Variants in SLC8A1 observed in about 807,000 individuals in gnomAD.
SLC8A1 encodes the protein solute carrier family 8 member A1, also known as sodium/calcium exchanger 1.
SLC8A1 carries 18 observed loss-of-function variants against 68.3 expected under a neutral mutation model. The observed-to-expected ratio is 0.26, with a 90% confidence interval of 0.18 to 0.39. The LOEUF is 0.39. SLC8A1 is among the 10% of genes least tolerant of loss of function. The probability of loss-of-function intolerance (pLI) is 1.00; values close to 1 mark genes in which losing one functional copy is unlikely to be tolerated. For synonymous variants in SLC8A1, 475 were observed against 415.5 expected (o/e 1.14, Z -1.74); for missense variants, 985 against 1,156.7 (o/e 0.85, Z 2.15).
At chr2:40,126,581 T>C (rs181343301) in intron 7 of SLC8A1, among the ~76,000 whole-genome samples, 2 of 152,102 alleles carry the variant, frequency 1.3e-5, no homozygotes, top group Admixed American at 1.3e-4. Context: ...AAAATAACTT[T>C]TCAGTTTCTG....
chr2:40,134,489 C>T (rs893406099), intron 7 of SLC8A1, among the ~76,000 whole-genome samples: 2 of 152,180 alleles, frequency 1.3e-5, no homozygotes, highest in East Asian at 1.9e-4. Flanking sequence ...AAATACCTTG[C>T]TCCTCATCAC....
chr2:40,386,787 G>A (rs1199078393), intron 2 of SLC8A1, among the ~76,000 whole-genome samples: 1 of 150,892 alleles, frequency 6.6e-6, no homozygotes, highest in Non-Finnish European at 1.5e-5. Flanking sequence ...AAGCAAACAG[G>A]CCAGTTTTCT....
chr2:40,158,114 GA>G (rs1393467193), intron 6 of SLC8A1, among the ~76,000 whole-genome samples: 5 of 152,132 alleles, frequency 3.3e-5, no homozygotes, highest in African/African-American at 1.2e-4. Context: ...GCATAGCAAA[GA>G]AACCTCTCAG....
chr2:40,196,558 A>G (rs2053073326), intron 2 of SLC8A1, among the ~76,000 whole-genome samples: 1 of 152,006 alleles, frequency 6.6e-6, no homozygotes, highest in Non-Finnish European at 1.5e-5. Flanking sequence ...CGTAGATGAA[A>G]GGTGAGCATG....
chr2:40,388,206 T>G (rs2149586245), intron 2 of SLC8A1, among the ~76,000 whole-genome samples: 1 of 152,148 alleles, frequency 6.6e-6, no homozygotes, highest in Non-Finnish European at 1.5e-5. Context: ...CATTTGAGAG[T>G]ATAATTAAAT....
intron 2 of SLC8A1, among the ~76,000 whole-genome samples, chr2:40,410,129 G>C (rs981562749): frequency 7.2e-5 from 11 of 152,056 alleles, no homozygotes; most frequent in Non-Finnish European, 1.5e-4. Flanking sequence ...TGGGGCAAGG[G>C]ATAGAACACA....
At chr2:40,401,567 C>CAAAAAAAAAAAAAA (rs3060361) in intron 2 of SLC8A1, among the ~76,000 whole-genome samples, 33 of 94,082 alleles carry the variant, frequency 3.5e-4, no homozygotes, top group Non-Finnish European at 5.6e-4. Flanking sequence ...ATAGGCCAGT[C>CAAAAAAAAAAAAAA]AAAAAAAAAA....
chr2:40,280,846 T>C (rs1375001796), intron 2 of SLC8A1, among the ~76,000 whole-genome samples: 1 of 152,198 alleles, frequency 6.6e-6, no homozygotes, highest in African/African-American at 2.4e-5. Flanking sequence ...GGAAGAATGT[T>C]TTGTGCAAAA....
intron 2 of SLC8A1, among the ~76,000 whole-genome samples, chr2:40,271,956 T>C (rs997983678): frequency 1.3e-5 from 2 of 152,074 alleles, no homozygotes; most frequent in Non-Finnish European, 2.9e-5. Flanking sequence ...AGCCTCGATG[T>C]CTTGGGCTCA....
chr2:40,401,685 C>G (rs1034450844), intron 2 of SLC8A1, among the ~76,000 whole-genome samples: 2 of 149,296 alleles, frequency 1.3e-5, no homozygotes, highest in Non-Finnish European at 3.0e-5. Context: ...GAAACCAAAG[C>G]AGATTCTATT....
At position 40,342,744 on chromosome 2, in the gene SLC8A1, T is replaced by C. The variant is rs367629788; in HGVS notation, c.1808+85729A>G. On this transcript the variant is annotated intron_variant, in intron 2 of 7. Transcript: ENST00000406785. ...AAGTCTCACACAATAAACTTCAAGG[T>C]GCAGTGCCATTTACTTACACTTTAT... Among the ~76,000 whole-genome samples the C allele has an allele frequency of 7.9e-5, 12 of 152,262 alleles. No individual in the cohort carries two copies. In the East Asian group the frequency reaches 1.4e-3, roughly 17 times the overall value.
intron 2 of SLC8A1, among the ~76,000 whole-genome samples, chr2:40,194,639 G>A (rs903411259): frequency 6.6e-6 from 1 of 151,978 alleles, no homozygotes; most frequent in Non-Finnish European, 1.5e-5. Context: ...AAGATTGGAG[G>A]CATTAATAAA....
chr2:40,413,239 A>G, intron 2 of SLC8A1, among the ~76,000 whole-genome samples: 1 of 152,226 alleles, frequency 6.6e-6, no homozygotes, highest in East Asian at 1.9e-4. Context: ...TGGCCCAGCC[A>G]TCCCATTACT....
intron 2 of SLC8A1, among the ~76,000 whole-genome samples, chr2:40,357,693 T>TA (rs1211107191): frequency 6.6e-6 from 1 of 151,836 alleles, no homozygotes; most frequent in Non-Finnish European, 1.5e-5. Flanking sequence ...AGTATAATTT[T>TA]AAAAAAAGGA....
chr2:40,113,843 T>C, exon 8 of SLC8A1: 1 of 152,880 alleles, frequency 6.5e-6, no homozygotes, highest in East Asian at 1.9e-4. Flanking sequence ...TTTAGAGGCC[T>C]CTGATGTGTT....
chr2:40,395,359 G>A (rs1410202389), intron 2 of SLC8A1, among the ~76,000 whole-genome samples: 1 of 152,104 alleles, frequency 6.6e-6, no homozygotes, highest in East Asian at 1.9e-4. Flanking sequence ...ACGAATTCCT[G>A]TAAACATACC....
chr2:40,260,254 T>TC (rs775197467), intron 2 of SLC8A1, among the ~76,000 whole-genome samples: 1 of 152,106 alleles, frequency 6.6e-6, no homozygotes, highest in Non-Finnish European at 1.5e-5. Context: ...AAGCTATTCC[T>TC]CAAGGACAAA....
intron 2 of SLC8A1, among the ~76,000 whole-genome samples, chr2:40,310,711 C>T (rs1366362769): frequency 4.6e-5 from 7 of 152,068 alleles, no homozygotes; most frequent in Non-Finnish European, 7.4e-5. Context: ...GCTCACCAAC[C>T]TTAGTGATCA....
intron 2 of SLC8A1, among the ~76,000 whole-genome samples, chr2:40,424,666 C>T (rs142724575): frequency 1.3e-5 from 2 of 151,918 alleles, no homozygotes; most frequent in East Asian, 3.9e-4. Context: ...TATACTATGA[C>T]TAGGAACCTC....
Sources: allele counts gnomAD v4.1 joint callset (sites outside exome capture counted in the v4.1 genomes callset), GRCh38; gene constraint gnomAD v4.1.1; transcripts MANE v1.5; gene names NCBI Gene and HGNC (gene_info 2026-07-23, HGNC 2026-07-21).